The following PKD1 variants were observed in gnomAD, a reference collection of about 807,000 sequenced individuals.
The protein encoded by PKD1 is polycystin-1.
A neutral mutation model predicts 361.7 loss-of-function variants in PKD1; 81 were observed. The observed-to-expected ratio is 0.22, with a 90% CI of 0.19 to 0.27. The LOEUF is 0.27. Among genes scored for constraint, PKD1 ranks in the 10% least tolerant of loss-of-function variants. The probability of loss-of-function intolerance (pLI) is 1.00; values close to 1 mark genes in which losing one functional copy is unlikely to be tolerated. For synonymous variants in PKD1, 3,615 were observed against 2,818.3 expected, an observed-to-expected ratio of 1.28 and a Z score of -8.95; for missense variants, 6,399 against 6,118.3, an observed-to-expected ratio of 1.05 and a Z score of -1.53.
Position 2,110,895 on chromosome 16 carries a change from G to T in PKD1, c.4272C>A (p.Thr1424=), listed in dbSNP as rs1418894814. 2.0e-5 allele frequency: 33 copies of T among 1,611,518 alleles called. No individual in the cohort carries two copies. Among genetic ancestry groups the T allele is most frequent in the Non-Finnish European group, 2.7e-5 (32 of 1,179,848 alleles). The part of the protein sequence containing the change: ...WDFGTEEAAP[T]RARGPEVTFI... ...ACGTCACCTCAGGGCCCCTGGCACG[G>T]GTGGGGGCGGCTTCCTCGGTGCCAA... Residue 1424 remains threonine (T), a synonymous_variant, in exon 15 of 46, where the codon ACC becomes ACA. Transcript: ENST00000262304.
At position 2,112,819 on chromosome 16, in the gene PKD1, G is replaced by T; in HGVS notation, c.3130C>A (p.Leu1044Met). 3 of 1,600,102 alleles carry T rather than the reference G, an allele frequency of 1.9e-6. No individual in the cohort carries two copies. Among genetic ancestry groups the T allele is most frequent in the Non-Finnish European group, 2.5e-6 (3 of 1,179,582 alleles). Residue 1044 changes from leucine to methionine, a missense_variant, in exon 13 of 46, where the codon CTG (leucine) becomes ATG (methionine). Physicochemically the swap from Leu to Met is conservative, Grantham distance 15. Coordinates refer to ENST00000262304, the MANE Select transcript of PKD1 (RefSeq NM_001009944.3). ...NATLALTAGV[L>M]VDSAVEVAFL... ...GCCACCTCCACGGCCGAGTCCACCA[G>T]CACGCCCGCCGTCAGTGCTAGCGTG...
In PKD1 at chr16:2,118,040, C is replaced by T. The variant is rs577675315; in HGVS notation, c.952G>A (p.Gly318Arg). 6 of 1,602,488 alleles carry T rather than the reference C, an allele frequency of 3.7e-6. No individual in the cohort carries two copies. Among genetic ancestry groups the T allele is most frequent in the Middle Eastern group, 2.3e-4 (1 of 4,424 alleles). ...ACATAGCGATGCGAGGCAGCCGGCC[C>T]AGCGGCATCCACCTCGGCGGAGCCG... ...GDGSAEVDAAGPAASHRYVLP... is the reference protein window; with the variant it reads ...GDGSAEVDAARPAASHRYVLP... The change falls in exon 5 of 46, where the codon GGG becomes AGG. Residue 318 changes from glycine (G) to arginine (R), a missense_variant. Physicochemically the swap from Gly to Arg is moderately radical, Grantham distance 125 (BLOSUM62 -2). Transcript: ENST00000262304. This position sits in a 1 kb window ranked among gnomAD's most constrained non-coding sequence, Gnocchi z 6.0.
intron 1 of PKD1, among the ~76,000 whole-genome samples, chr16:2,131,286 A>C (rs1383413632): frequency 2.0e-5 from 3 of 150,218 alleles, no homozygotes; most frequent in East Asian, 2.0e-4. Context: ...CTGAGGCGGG[A>C]GGATCACGAG....
At chr16:2,114,118 T>A in intron 11 of PKD1, 52 bp downstream of exon 11, 1 of 1,522,644 alleles carries the variant, frequency 6.6e-7, no homozygotes. Flanking sequence ...GTGAGCACCC[T>A]GTCTGCAGGC....
rs767826564 is a variant in PKD1 at position 2,090,793 on chromosome 16, G to A, written c.12019C>T (p.Arg4007Cys). The A allele has an allele frequency of 1.2e-5, 20 of 1,612,416 alleles. No individual in the cohort carries two copies. The highest frequency in any genetic ancestry group is 3.3e-5 in the South Asian group (3 of 91,096). The change falls in exon 44 of 46, where the codon CGC (arginine) becomes TGC (cysteine). Residue 4007 changes from arginine (R) to cysteine (C), a missense_variant. Coordinates refer to ENST00000262304, the MANE Select transcript of PKD1 (RefSeq NM_001009944.3). ...LLLVKAAQQL[R>C]FVRQWSVFGK... ...AAGACGGACCACTGGCGCACGAAGC[G>A]TAGCTGCTGGGCAGCCTGCGGACGA... is the stretch of plus-strand genomic sequence containing the variant.
Position 2,089,766 on chromosome 16 carries a change from G to C in PKD1, c.12873C>G (p.Pro4291=), listed in dbSNP as rs1567142667. 1 of 1,595,862 alleles carries C rather than the reference G, an allele frequency of 6.3e-7. No homozygotes were observed. The highest frequency in any genetic ancestry group is 8.5e-7 in the Non-Finnish European group (1 of 1,172,816). Reference sequence around the variant, plus strand: ...GGTGGACCTTGTTCTTGGCCCGAAGGGGTGTCCTGCTGGGGCCAGTGGCCA... The same window carrying C: ...GGTGGACCTTGTTCTTGGCCCGAAGCGGTGTCCTGCTGGGGCCAGTGGCCA... The part of the protein sequence containing the change: ...VDLATGPSRT[P]LRAKNKVHPS... The change falls in exon 46 of 46, where the codon CCC becomes CCG. Residue 4291 remains proline, a synonymous_variant. Coordinates refer to ENST00000262304, the MANE Select transcript of PKD1 (RefSeq NM_001009944.3).
chr16:2,091,714 G>A (rs1192762110), intron 41 of PKD1, 67 bp downstream of exon 41: 7 of 1,590,472 alleles, frequency 4.4e-6, no homozygotes, highest in Admixed American at 1.7e-5. Context: ...GGGGCCGGAG[G>A]AGTGAGGGTG....
rs370526001 is a variant in PKD1 at position 2,108,924 on chromosome 16, G to A, written c.6243C>T (p.Ala2081=). Residue 2081 remains alanine (A), a synonymous_variant, in exon 15 of 46, where the codon GCC becomes GCT. Transcript: ENST00000262304. ...CACGCCGGGGGCTGGGGCTGGTGGC[G>A]GCCTCAAACTGCGCCGAGCGGTTGG... The part of the protein sequence containing the change: ...CFTNRSAQFE[A]ATSPSPRRVA... The A allele has an allele frequency of 7.4e-5, 118 of 1,595,436 alleles. No individual in the cohort carries two copies. The highest frequency in any genetic ancestry group is 1.1e-4 in the African/African-American group (8 of 74,448).
At chr16:2,107,843 G>A (rs776505081) in intron 16 of PKD1, 40 bp downstream of exon 16, 131 of 1,530,322 alleles carry the variant, frequency 8.6e-5, no homozygotes, top group Non-Finnish European at 1.1e-4. Flanking sequence ...GGGAGGCTGG[G>A]CTGTCCAAGG....
At position 2,092,898 on chromosome 16, in the gene PKD1, G is replaced by A. The variant is rs533100426; in HGVS notation, c.11156+56C>T. 3.1e-5 allele frequency: 50 copies of A among 1,604,120 alleles called. No individual in the cohort carries two copies. The East Asian group carries it at 9.4e-4, about 30-fold the overall frequency. Reference sequence around the variant, plus strand: ...TCCACATGTCCCCTAGGGTCTGGCTGGACTAAAGGCAAAACTAAAGCCCAG... The same window carrying A: ...TCCACATGTCCCCTAGGGTCTGGCTAGACTAAAGGCAAAACTAAAGCCCAG... On this transcript the variant is annotated intron_variant, in intron 38 of 45. Coordinates refer to ENST00000262304, the MANE Select transcript of PKD1 (RefSeq NM_001009944.3).
intron 22 of PKD1, among the ~76,000 whole-genome samples, chr16:2,104,230 A>AGG: frequency 3.2e-5 from 1 of 31,114 alleles, no homozygotes; most frequent in African/African-American, 2.6e-4. Context: ...GAGGGGGATG[A>AGG]GGAAGATGAG....
chr16:2,088,892 C>CACAA lies in PKD1; in HGVS notation c.*834_*835insTTGT. On this transcript the variant is annotated 3_prime_UTR_variant, in exon 46 of 46. Transcript: ENST00000262304. ...GCGCGTGCGCGCGCGCACACACACA[C>CACAA]ACACACAGTCACCTTCCTCCACCCT... 1 of 445,962 alleles carries CACAA rather than the reference C, an allele frequency of 2.2e-6. No individual in the cohort carries two copies. Among genetic ancestry groups the CACAA allele is most frequent in the Admixed American group, 3.9e-5 (1 of 25,904 alleles). The allele number at this position is 445,962 out of a possible 1,614,324, so 27.6% of individuals were successfully genotyped here.
intron 20 of PKD1, 34 bp downstream of exon 20, chr16:2,105,831 G>T: frequency 6.3e-7 from 1 of 1,586,380 alleles, no homozygotes; most frequent in South Asian, 1.1e-5. Context: ...CACGCATGCA[G>T]CAGATGTGAC....
At chr16:2,114,100 C>G (rs563788909) in intron 11 of PKD1, 70 bp downstream of exon 11, 3 of 1,279,672 alleles carry the variant, frequency 2.3e-6, no homozygotes, top group Non-Finnish European at 2.2e-6. Context: ...CCAGGCCTCA[C>G]GCCCTGTGTG....
chr16:2,103,214 C>T (rs1338533383), intron 23 of PKD1, 52 bp downstream of exon 23: 3 of 1,577,504 alleles, frequency 1.9e-6, no homozygotes, highest in East Asian at 4.5e-5. Flanking sequence ...GAAACGCCTT[C>T]CCCCCAAGAA....
In PKD1 at chr16:2,090,790, A is replaced by C; in HGVS notation, c.12022T>G (p.Phe4008Val). ...LLVKAAQQLR[F>V]VRQWSVFGKT... ...CCAAAGACGGACCACTGGCGCACGA[A>C]GCGTAGCTGCTGGGCAGCCTGCGGA... Residue 4008 changes from phenylalanine (F) to valine (V), a missense_variant, in exon 44 of 46, where the codon TTC (phenylalanine) becomes GTC (valine). Phe to Val is a conservative substitution (Grantham distance 50). Coordinates refer to ENST00000262304, the MANE Select transcript of PKD1 (RefSeq NM_001009944.3). 1 of 1,612,534 alleles carries C rather than the reference A, an allele frequency of 6.2e-7. No homozygotes were observed. The highest frequency in any genetic ancestry group is 8.5e-7 in the Non-Finnish European group (1 of 1,179,938).
intron 30 of PKD1, 135 bp downstream of exon 30, chr16:2,099,509 G>A: frequency 1.4e-6 from 1 of 724,288 alleles, no homozygotes; most frequent in South Asian, 1.5e-5. Flanking sequence ...CTGCTCAAGT[G>A]TGTTGACCCT....
intron 25 of PKD1, 26 bp downstream of exon 25, chr16:2,102,355 G>A (rs2092129644): frequency 1.3e-6 from 2 of 1,550,408 alleles, no homozygotes; most frequent in Admixed American, 2.0e-5. Flanking sequence ...CTCTGCAGAG[G>A]CTCCCAGGAG....
At chr16:2,105,230 C>G (rs1302953756) in intron 21 of PKD1, 92 bp downstream of exon 21, 10 of 1,286,892 alleles carry the variant, frequency 7.8e-6, no homozygotes, top group Admixed American at 3.9e-5. Context: ...GGAGGCTCAG[C>G]TCCTCGGCCA....
Sources: gnomAD v4.1 joint callset for allele counts (sites outside exome capture counted in the v4.1 genomes callset) on GRCh38, gnomAD v4.1.1 for gene constraint, Gnocchi (gnomAD v3.1) non-coding constraint, MANE v1.5 for transcripts, NCBI Gene and HGNC (gene_info 2026-07-23, HGNC 2026-07-21) for gene names.